SHISAL1: variants seen among roughly 807,000 people sequenced by gnomAD.
SHISAL1 encodes shisa like 1.
In SHISAL1, 9 loss-of-function variants were observed where a neutral mutation model predicts 22.6. The ratio of observed to expected loss-of-function variants is 0.40; its 90% CI spans 0.24 to 0.70. The LOEUF (loss-of-function observed/expected upper bound fraction) is 0.70, where lower values mean the gene tolerates loss of function less well. SHISAL1 is among the 30% of genes least tolerant of loss of function. The pLI, the probability that SHISAL1 is intolerant of heterozygous loss-of-function variation, is 0.39. For synonymous variants in SHISAL1, 119 were observed against 115.4 expected, an observed-to-expected ratio of 1.03 and a Z score of -0.20; for missense variants, 246 against 270.6, an observed-to-expected ratio of 0.91 and a Z score of 0.64.
chr22:44,322,934 T>C, the SHISAL1 span, among the ~76,000 whole-genome samples: 82,518 of 151,722 alleles, frequency 0.54, 24,907 homozygotes, highest in East Asian at 0.8. Context: ...CCCATCCATC[T>C]GTCCGTCCAC....
rs1308732393 is a variant in SHISAL1 at position 44,269,468 on chromosome 22, ACACGCG to A, written c.599+15954_599+15959del. On this transcript the variant is annotated intron_variant, in intron 4 of 4. Coordinates refer to ENST00000381176, the MANE Select transcript of SHISAL1 (RefSeq NM_001099294.2). ...ACACCATGCCACACAGACGCCCACA[ACACGCG>A]CACACACACACACACACACTCCATG... Among the ~76,000 whole-genome samples, 59 of 74,280 alleles carry A rather than the reference ACACGCG, an allele frequency of 7.9e-4. No homozygotes were observed. In the East Asian group the frequency reaches 9.8e-3, roughly 12 times the overall value. 48.7% of individuals were successfully genotyped at this position (74,280 alleles called of 152,430 possible).
Position 44,310,065 on chromosome 22 carries a change from G to A in SHISAL1, c.-33+2686C>T, listed in dbSNP as rs938404522. Among the ~76,000 whole-genome samples, 10 of 152,152 alleles carry A rather than the reference G, an allele frequency of 6.6e-5. No homozygotes were observed. Among genetic ancestry groups the A allele is most frequent in the East Asian group, 5.8e-4 (3 of 5,172 alleles). ...CCCGTTCGCCTGCAGCTGGGGTGCC[G>A]GGCTCCACGGCTGACAGTGAGTGAG... is the stretch of plus-strand genomic sequence containing the variant. On this transcript the variant is annotated intron_variant, in intron 1 of 4. Transcript: ENST00000381176. The surrounding 1 kb of genome is among the most constrained non-coding windows in gnomAD (Gnocchi z 4.0).
At position 44,296,707 on chromosome 22, in the gene SHISAL1, C is replaced by T. The variant is rs73432530; in HGVS notation, c.246G>A (p.Ala82=). Residue 82 remains alanine, a synonymous_variant, in exon 3 of 5, where the codon GCG becomes GCA. Transcript: ENST00000381176. ...AACCCTCGGAGCTGGCCGTGAGGTT[C>T]GCCTGCATCACCGCCTGGAACTCCG... ...NETEFQAVMQ[A]NLTASSEGYM... is the part of the protein sequence containing the mutation. 1.5e-5 allele frequency: 24 copies of T among 1,613,974 alleles called. No individual in the cohort carries two copies. The African/African-American group carries it at 2.1e-4, about 14-fold the overall frequency.
At chr22:44,287,057 A>G (rs2055321157) in intron 3 of SHISAL1, among the ~76,000 whole-genome samples, 1 of 144,000 alleles carries the variant, frequency 6.9e-6, no homozygotes, top group East Asian at 1.9e-4. Flanking sequence ...ATCCTTTAAG[A>G]CCCTGTTTGA....
intron 4 of SHISAL1, among the ~76,000 whole-genome samples, chr22:44,263,636 C>T (rs757390906): frequency 1.1e-3 from 165 of 152,294 alleles, no homozygotes; most frequent in Non-Finnish European, 1.4e-3. Context: ...GTGAGGAAGG[C>T]AGCAGGCTCA....
At chr22:44,274,049 G>GCCCCCCCCCCCCCCCCCCCCCCCCCCCC (rs368725664) in intron 4 of SHISAL1, among the ~76,000 whole-genome samples, 1 of 137,228 alleles carries the variant, frequency 7.3e-6, no homozygotes, top group Non-Finnish European at 1.6e-5. Context: ...GAACCTCCCG[G>GCCCCCCCCCCCCCCCCCCCCCCCCCCCC]CCCCCCCCTC....
At chr22:44,267,948 C>T (rs998798401) in intron 4 of SHISAL1, among the ~76,000 whole-genome samples, 4 of 152,230 alleles carry the variant, frequency 2.6e-5, no homozygotes, top group East Asian at 1.9e-4. Context: ...TGGGAGTCTC[C>T]GAAGGGCTGG....
rs749282198 is a variant in SHISAL1, at chr22:44,249,001, C to T, written c.*684G>A. ...CTTAGTATTACTATTGTTACAGGAACGAATTCTGTAAGAAACAACCCTGAC... is the reference window on the plus strand; with the variant it reads ...CTTAGTATTACTATTGTTACAGGAATGAATTCTGTAAGAAACAACCCTGAC... On this transcript the variant is annotated 3_prime_UTR_variant, in exon 5 of 5. Transcript: ENST00000381176. The T allele has an allele frequency of 2.0e-5, 3 of 152,222 alleles. No individual in the cohort carries two copies. The highest frequency in any genetic ancestry group is 2.9e-5 in the Non-Finnish European group (2 of 68,036). 9.4% of individuals were successfully genotyped at this position (152,222 alleles called of 1,614,324 possible).
At chr22:44,314,405 G>A (rs2055544338), upstream of SHISAL1, among the ~76,000 whole-genome samples, 1 of 152,188 alleles carries the variant, frequency 6.6e-6, no homozygotes, top group East Asian at 1.9e-4. Context: ...GGACTGCCCT[G>A]TGGATTTTGT....
chr22:44,312,242 A>T (rs1308455808), intron 1 of SHISAL1, among the ~76,000 whole-genome samples: 3 of 152,120 alleles, frequency 2.0e-5, no homozygotes, highest in Admixed American at 6.5e-5. Context: ...CTTATTTCGT[A>T]CCGGTGTGAT....
chr22:44,309,997 C>T (rs978215427), intron 1 of SHISAL1, among the ~76,000 whole-genome samples: 2 of 152,154 alleles, frequency 1.3e-5, no homozygotes, highest in Non-Finnish European at 1.5e-5. Flanking sequence ...TGGCCAGGAC[C>T]GAGGCAGCCA....
chr22:44,297,526 T>C (rs1451161796), intron 2 of SHISAL1, among the ~76,000 whole-genome samples: 1 of 152,210 alleles, frequency 6.6e-6, no homozygotes, highest in Non-Finnish European at 1.5e-5. Context: ...ACTAAACTAG[T>C]ACCCTAGGCC....
chr22:44,262,262 T>A (rs1482520321), intron 4 of SHISAL1, among the ~76,000 whole-genome samples: 1 of 152,126 alleles, frequency 6.6e-6, no homozygotes, highest in Non-Finnish European at 1.5e-5. Flanking sequence ...ATTCAGAGGA[T>A]CACAAGGAGC....
chr22:44,310,386 C>T lies in SHISAL1; in HGVS notation c.-33+2365G>A, dbSNP rs2055510034. 6.6e-6 allele frequency among the ~76,000 whole-genome samples: 1 copy of T among 152,180 alleles called. No individual in the cohort carries two copies. The highest frequency in any genetic ancestry group is 1.5e-5 in the Non-Finnish European group (1 of 68,028). On this transcript the variant is annotated intron_variant, in intron 1 of 4. Coordinates refer to ENST00000381176, the MANE Select transcript of SHISAL1 (RefSeq NM_001099294.2). This position sits in a 1 kb window ranked among gnomAD's most constrained non-coding sequence, Gnocchi z 4.0. Reference sequence around the variant, plus strand: ...GGGTGGAAGGTTTGCAATCTGAACCCAGGTTTGCTCGACTCCAGACAGGGT... The same window carrying T: ...GGGTGGAAGGTTTGCAATCTGAACCTAGGTTTGCTCGACTCCAGACAGGGT...
At chr22:44,308,988 C>T (rs1601807570) in intron 1 of SHISAL1, among the ~76,000 whole-genome samples, 1 of 152,216 alleles carries the variant, frequency 6.6e-6, no homozygotes. Context: ...GGTGGCGGAG[C>T]TCAGGAGTCT....
At chr22:44,279,236 G>C (rs893364152) in intron 4 of SHISAL1, among the ~76,000 whole-genome samples, 1 of 152,174 alleles carries the variant, frequency 6.6e-6, no homozygotes, top group Non-Finnish European at 1.5e-5. Flanking sequence ...GCCCCAGCTG[G>C]GAAAAGACAG....
At chr22:44,264,198 A>G (rs1388703187) in intron 4 of SHISAL1, among the ~76,000 whole-genome samples, 1 of 152,168 alleles carries the variant, frequency 6.6e-6, no homozygotes, top group African/African-American at 2.4e-5. Context: ...TGGTGGACCC[A>G]TGGGATTGCC....
the SHISAL1 span, among the ~76,000 whole-genome samples, chr22:44,322,268 G>A: frequency 6.6e-6 from 1 of 152,246 alleles, no homozygotes; most frequent in African/African-American, 2.4e-5. Context: ...CGGTGAGCAG[G>A]TGAGGGTCTC....
intron 4 of SHISAL1, among the ~76,000 whole-genome samples, chr22:44,279,028 G>A (rs183037546): frequency 2.9e-4 from 44 of 152,282 alleles, no homozygotes; most frequent in Admixed American, 1.9e-3. Context: ...GGGAGGGCCA[G>A]CAACTCGTCC....
Sources: gnomAD v4.1 joint callset for allele counts (sites outside exome capture counted in the v4.1 genomes callset) on GRCh38, gnomAD v4.1.1 for gene constraint, Gnocchi (gnomAD v3.1) non-coding constraint, MANE v1.5 for transcripts, NCBI Gene and HGNC (gene_info 2026-07-23, HGNC 2026-07-21) for gene names.